SORBS2: variants seen among roughly 807,000 people sequenced by gnomAD.
The protein encoded by SORBS2 is sorbin and SH3 domain-containing protein 2.
In SORBS2, 46 loss-of-function variants were observed where a neutral mutation model predicts 97.7. That is an observed-to-expected ratio of 0.47 (90% CI 0.37 to 0.60). The LOEUF (loss-of-function observed/expected upper bound fraction) is 0.60, where lower values mean the gene tolerates loss of function less well. SORBS2 is among the 20% of genes least tolerant of loss of function. The pLI is 0.00. For missense variants in SORBS2, 1,316 were observed against 1,282.3 expected, an observed-to-expected ratio of 1.03 and a Z score of -0.40; for synonymous variants, 476 against 473.4, an observed-to-expected ratio of 1.01 and a Z score of -0.07.
chr4:185,727,373 CACAT>C (rs922599819), intron 2 of SORBS2, among the ~76,000 whole-genome samples: 1 of 152,156 alleles, frequency 6.6e-6, no homozygotes, highest in African/African-American at 2.4e-5. Context: ...TAACAATACT[CACAT>C]ACAAGTAGAA....
upstream of SORBS2, chr4:185,657,136 G>T (rs946767037): frequency 1.6e-5 from 5 of 318,284 alleles, no homozygotes; most frequent in Non-Finnish European, 2.1e-5. Flanking sequence ...AAAGGTAAAA[G>T]AAAAACAAAC....
intron 1 of SORBS2, among the ~76,000 whole-genome samples, chr4:185,850,221 C>G (rs75942721): frequency 0.039 from 5,962 of 152,260 alleles, 178 homozygotes; most frequent in East Asian, 0.13. Context: ...GCTAAAGTGA[C>G]TTTCATGTGG....
intron 1 of SORBS2, among the ~76,000 whole-genome samples, chr4:185,944,642 A>T (rs2099273676): frequency 6.6e-6 from 1 of 152,232 alleles, no homozygotes; most frequent in Admixed American, 6.5e-5. Context: ...TGGCATAACT[A>T]AAAGAGTTCA....
upstream of SORBS2, among the ~76,000 whole-genome samples, chr4:185,660,905 C>G (rs1297169423): frequency 6.6e-6 from 1 of 152,140 alleles, no homozygotes; most frequent in African/African-American, 2.4e-5. Context: ...ACTTGTACAG[C>G]CTGAATTCCT....
At chr4:185,735,773 A>C (rs956237820) in intron 2 of SORBS2, among the ~76,000 whole-genome samples, 9 of 152,140 alleles carry the variant, frequency 5.9e-5, no homozygotes, top group African/African-American at 1.9e-4. Flanking sequence ...TAGTTTACCT[A>C]TAGATAACTA....
rs56955640 is a variant in SORBS2, at chr4:185,756,719, C to CTTT, written c.-198+18505_-198+18507dup. 1.6e-3 allele frequency among the ~76,000 whole-genome samples: 211 copies of CTTT among 131,562 alleles called. 2 individuals carry two copies. In the East Asian group the frequency reaches 0.018, roughly 11 times the overall value. 86.3% of individuals were successfully genotyped at this position (131,562 alleles called of 152,430 possible). Reference sequence around the variant, plus strand: ...GCCAAATTACAGCCAACTGTTAAAGCTTTTTTTTTTTTTTTTTTTAATTCT... The same window carrying CTTT: ...GCCAAATTACAGCCAACTGTTAAAGCTTTTTTTTTTTTTTTTTTTTTTAATTCT... On this transcript the variant is annotated intron_variant, in intron 2 of 20. Transcript: ENST00000284776.
intron 1 of SORBS2, among the ~76,000 whole-genome samples, chr4:185,807,806 TAATTA>T (rs2099163319): frequency 6.6e-6 from 1 of 152,250 alleles, no homozygotes; most frequent in Non-Finnish European, 1.5e-5. Flanking sequence ...GGCATATCCA[TAATTA>T]AATTGTTAGT....
chr4:185,951,178 T>C (rs1383603905), intron 1 of SORBS2, among the ~76,000 whole-genome samples: 2 of 152,222 alleles, frequency 1.3e-5, no homozygotes, highest in Non-Finnish European at 2.9e-5. Context: ...TTAACAGGTA[T>C]GTACCATCAC....
chr4:185,784,990 G>T (rs1418586650), intron 1 of SORBS2, among the ~76,000 whole-genome samples: 1 of 151,610 alleles, frequency 6.6e-6, no homozygotes, highest in African/African-American at 2.4e-5. Flanking sequence ...GATATCAAGA[G>T]AAATAAGAAC....
In SORBS2 at chr4:185,662,100, T is replaced by C; in HGVS notation, c.94+4A>G. 3 of 1,613,968 alleles carry C rather than the reference T, an allele frequency of 1.9e-6. No homozygotes were observed. Among genetic ancestry groups the C allele is most frequent in the East Asian group, 2.2e-5 (1 of 44,870 alleles). ...ATGGAAATCACGGTGAGTAAATTAC[T>C]TACCGAGGGATGTGCCGTGCTGCAT... is the stretch of plus-strand genomic sequence containing the variant. On this transcript the variant is annotated splice_donor_region_variant and intron_variant, in intron 5 of 20. Transcript: ENST00000284776.
intron 2 of SORBS2, among the ~76,000 whole-genome samples, chr4:185,735,342 T>C (rs1487482415): frequency 6.6e-6 from 1 of 151,524 alleles, no homozygotes; most frequent in Non-Finnish European, 1.5e-5. Context: ...GAGGACATCC[T>C]AGGAGATTCG....
intron 2 of SORBS2, among the ~76,000 whole-genome samples, chr4:185,715,671 C>T (rs552954853): frequency 1.3e-5 from 2 of 152,274 alleles, no homozygotes; most frequent in African/African-American, 4.8e-5. Flanking sequence ...ATTTCTGGAA[C>T]TCAACAACTT....
At chr4:185,613,088 G>A (rs1337231898) in intron 11 of SORBS2, among the ~76,000 whole-genome samples, 9 of 152,276 alleles carry the variant, frequency 5.9e-5, no homozygotes, top group African/African-American at 7.2e-5. Flanking sequence ...AAAACTACAC[G>A]TAGCCTAGAA....
rs2096417603 is a variant in SORBS2, at chr4:185,606,323, T to C, written c.2796+5457A>G. 1 of 973,922 alleles carries C rather than the reference T, an allele frequency of 1.0e-6. No homozygotes were observed. The highest frequency in any genetic ancestry group is 1.2e-6 in the Non-Finnish European group (1 of 819,510). The allele number at this position is 973,922 out of a possible 1,614,324, so 60.3% of individuals were successfully genotyped here. On this transcript the variant is annotated intron_variant, in intron 12 of 14. Coordinates refer to ENST00000418609, the Ensembl canonical transcript of SORBS2. This position sits in a 1 kb window ranked among gnomAD's most constrained non-coding sequence, Gnocchi z 4.3. ...TAATATTGGAAGATTACAAAGACTA[T>C]ATCAATTACAAAGACTTTTACAATA... is the stretch of plus-strand genomic sequence containing the variant.
intron 5 of SORBS2, among the ~76,000 whole-genome samples, chr4:185,628,627 T>C (rs115289170): frequency 0.023 from 3,433 of 152,248 alleles, 131 homozygotes; most frequent in African/African-American, 0.077. Context: ...CATGTGCCTG[T>C]AGTCCCAGCT....
chr4:185,956,334 CG>C (rs1205893823), exon 1 of SORBS2: 1 of 152,236 alleles, frequency 6.6e-6, no homozygotes, highest in Non-Finnish European at 1.5e-5. Flanking sequence ...GGAGCATTTA[CG>C]GCATGTACGT....
intron 4 of SORBS2, among the ~76,000 whole-genome samples, chr4:185,641,037 A>C (rs2097116406): frequency 6.6e-6 from 1 of 152,224 alleles, no homozygotes; most frequent in Non-Finnish European, 1.5e-5. Flanking sequence ...TAAATGAATA[A>C]GACTTGTTAG....
At chr4:185,604,445 C>A (rs761177959) in intron 12 of SORBS2, among the ~76,000 whole-genome samples, 2 of 151,730 alleles carry the variant, frequency 1.3e-5, no homozygotes, top group Non-Finnish European at 2.9e-5. Context: ...GAAACAGAGG[C>A]GAAGAGAGAA....
chr4:185,915,845 C>T (rs951435344), intron 1 of SORBS2, among the ~76,000 whole-genome samples: 5 of 152,148 alleles, frequency 3.3e-5, no homozygotes, highest in African/African-American at 1.2e-4. Flanking sequence ...AAAAACCTAA[C>T]CCTGGTAATT....
Sources: allele counts gnomAD v4.1 joint callset (sites outside exome capture counted in the v4.1 genomes callset), GRCh38; gene constraint gnomAD v4.1.1; non-coding constraint Gnocchi (gnomAD v3.1); transcripts MANE v1.5; gene names NCBI Gene and HGNC (gene_info 2026-07-23, HGNC 2026-07-21).